MACROD2: variants seen among roughly 807,000 people sequenced by gnomAD.
MACROD2 encodes the protein ADP-ribose glycohydrolase MACROD2.
A neutral mutation model predicts 70.4 loss-of-function variants in MACROD2; 36 were observed. That is an observed-to-expected ratio of 0.51 (90% CI 0.39 to 0.68). MACROD2 has a LOEUF of 0.68. Among genes scored for constraint, MACROD2 ranks in the 30% least tolerant of loss-of-function variants. The probability of loss-of-function intolerance (pLI) is 0.00; values close to 1 mark genes in which losing one functional copy is unlikely to be tolerated. For synonymous variants in MACROD2, 172 were observed against 178.8 expected (o/e 0.96, Z 0.30); for missense variants, 496 against 538.4 (o/e 0.92, Z 0.78).
In MACROD2 at chr20:14,918,815, C is replaced by T. The variant is rs185038314; in HGVS notation, c.418+233856C>T. On this transcript the variant is annotated intron_variant, in intron 5 of 17. Transcript: ENST00000684519. ...AAAATCTTTTTATATTTTAATTGAA[C>T]TCACAACATATCACTGATGTGTTTC... Among the ~76,000 whole-genome samples the T allele has an allele frequency of 4.6e-5, 7 of 152,214 alleles. No homozygotes were observed. In the East Asian group the frequency reaches 7.7e-4, roughly 17 times the overall value.
At chr20:15,886,259 T>C (rs1358793512) in intron 10 of MACROD2, among the ~76,000 whole-genome samples, 3 of 152,166 alleles carry the variant, frequency 2.0e-5, no homozygotes, top group Non-Finnish European at 4.4e-5. Context: ...AACTGTCAGC[T>C]AAAATCTTAG....
At chr20:14,841,517 ATGTTT>A (rs1370887890) in intron 5 of MACROD2, among the ~76,000 whole-genome samples, 2 of 114,636 alleles carry the variant, frequency 1.7e-5, no homozygotes, top group Non-Finnish European at 4.2e-5. Flanking sequence ...TTTCAAGTAG[ATGTTT>A]TCAGGAAAAA....
chr20:15,350,442 G>T (rs771905152), intron 6 of MACROD2, among the ~76,000 whole-genome samples: 1 of 152,136 alleles, frequency 6.6e-6, no homozygotes, highest in Non-Finnish European at 1.5e-5. Flanking sequence ...GTAGGTAAAT[G>T]GGAGGAAGTG....
rs555716633 is a variant in MACROD2, at chr20:14,327,434, A to G, written c.272-166045A>G. 126 of 1,613,584 alleles carry G rather than the reference A, an allele frequency of 7.8e-5. 1 individual carries two copies. In the South Asian group the frequency reaches 1.4e-3, roughly 17 times the overall value. ...GATGGACAGGATTTAGCCATAACTG[A>G]TAGAGGTGCTACTTGAAGGAACAGC... is the stretch of plus-strand genomic sequence containing the variant. On this transcript the variant is annotated intron_variant, in intron 3 of 17. Coordinates refer to ENST00000684519, the MANE Select transcript of MACROD2 (RefSeq NM_001351661.2).
chr20:15,440,634 C>A (rs1289676902), intron 7 of MACROD2, among the ~76,000 whole-genome samples: 3 of 152,200 alleles, frequency 2.0e-5, no homozygotes, highest in Non-Finnish European at 2.9e-5. Flanking sequence ...CAAGGGCATG[C>A]CCTTCATCAG....
Position 15,631,936 on chromosome 20 carries a change from G to C in MACROD2, c.645+132089G>C, listed in dbSNP as rs140119724. 1.1e-3 allele frequency among the ~76,000 whole-genome samples: 170 copies of C among 152,194 alleles called. 2 individuals are homozygous for C. The East Asian group carries it at 0.03, about 26-fold the overall frequency. On this transcript the variant is annotated intron_variant, in intron 8 of 17. Coordinates refer to ENST00000684519, the MANE Select transcript of MACROD2 (RefSeq NM_001351661.2). The stretch of plus-strand genomic sequence containing the variant: ...GTGGATTGCCTGAAGTCAGGAGTTC[G>C]AGACCAGCCTGGCCAACATAGTGAA...
intron 5 of MACROD2, among the ~76,000 whole-genome samples, chr20:14,862,316 AAT>A (rs1473406017): frequency 5.9e-5 from 2 of 33,616 alleles, no homozygotes; most frequent in African/African-American, 1.2e-4. Context: ...AATATATGTA[AAT>A]ATATATATAA....
chr20:15,298,360 G>A (rs956501727), intron 6 of MACROD2, among the ~76,000 whole-genome samples: 10 of 152,204 alleles, frequency 6.6e-5, no homozygotes, highest in East Asian at 1.9e-4. Flanking sequence ...AATTCCAGCC[G>A]CTGGCTGTCC....
At position 15,771,943 on chromosome 20, in the gene MACROD2, G is replaced by A. The variant is rs2051635238; in HGVS notation, c.646-90802G>A. 2.7e-5 allele frequency among the ~76,000 whole-genome samples: 4 copies of A among 150,876 alleles called. No individual in the cohort carries two copies. In the South Asian group the frequency reaches 8.4e-4, roughly 32 times the overall value. Reference sequence around the variant, plus strand: ...TACTAAAAATACAAACAATTAGCCGGGCGTAGTGGCGGGCACCTGTAGTCC... The same window carrying A: ...TACTAAAAATACAAACAATTAGCCGAGCGTAGTGGCGGGCACCTGTAGTCC... On this transcript the variant is annotated intron_variant, in intron 8 of 17. Coordinates refer to ENST00000684519, the MANE Select transcript of MACROD2 (RefSeq NM_001351661.2).
intron 3 of MACROD2, among the ~76,000 whole-genome samples, chr20:14,176,442 T>A (rs562028776): frequency 5.6e-4 from 86 of 152,246 alleles, no homozygotes; most frequent in African/African-American, 1.9e-3. Context: ...CTCTCTGGAG[T>A]TGCTAAAATG....
intron 6 of MACROD2, among the ~76,000 whole-genome samples, chr20:15,366,463 T>C (rs1009752393): frequency 1.3e-5 from 2 of 152,230 alleles, no homozygotes; most frequent in Non-Finnish European, 2.9e-5. Flanking sequence ...ATCATCCATA[T>C]TCTCAGTATC....
At chr20:15,583,546 C>G (rs79879300) in intron 8 of MACROD2, among the ~76,000 whole-genome samples, 1 of 152,206 alleles carries the variant, frequency 6.6e-6, no homozygotes, top group African/African-American at 2.4e-5. Context: ...TGCAGACAAG[C>G]CTTTATGCTC....
At chr20:15,923,137 C>T (rs1272165362) in intron 10 of MACROD2, among the ~76,000 whole-genome samples, 1 of 152,106 alleles carries the variant, frequency 6.6e-6, no homozygotes, top group African/African-American at 2.4e-5. Context: ...CCTGTTAATA[C>T]TCTAGAGCCT....
At chr20:15,708,755 G>A (rs867774126) in intron 8 of MACROD2, among the ~76,000 whole-genome samples, 1 of 128,472 alleles carries the variant, frequency 7.8e-6, no homozygotes, top group East Asian at 1.9e-4. Context: ...ACTGGACTTG[G>A]TGGCTCACAC....
At chr20:14,264,499 G>A (rs1346603002) in intron 3 of MACROD2, among the ~76,000 whole-genome samples, 1 of 152,148 alleles carries the variant, frequency 6.6e-6, no homozygotes, top group Non-Finnish European at 1.5e-5. Context: ...AGGGTAAAAA[G>A]GAAGACCAAG....
intron 6 of MACROD2, among the ~76,000 whole-genome samples, chr20:15,253,281 G>A (rs1682054977): frequency 3.9e-5 from 6 of 152,244 alleles, no homozygotes; most frequent in Admixed American, 3.9e-4. Flanking sequence ...CAGCAAAATT[G>A]CATAGTTGTA....
At chr20:14,109,569 C>T (rs1601234752) in intron 3 of MACROD2, among the ~76,000 whole-genome samples, 2 of 151,746 alleles carry the variant, frequency 1.3e-5, no homozygotes, top group East Asian at 3.9e-4. Context: ...GGAGACATTA[C>T]AACGAATACT....
intron 8 of MACROD2, among the ~76,000 whole-genome samples, chr20:15,822,366 A>G (rs572375173): frequency 2.6e-5 from 4 of 152,226 alleles, no homozygotes; most frequent in African/African-American, 9.6e-5. Flanking sequence ...TACATCCTAA[A>G]CTTTTGTTTG....
At position 15,933,346 on chromosome 20, in the gene MACROD2, C is replaced by T. The variant is rs1435568846; in HGVS notation, c.838+8C>T. On this transcript the variant is annotated splice_region_variant and intron_variant, in intron 11 of 17. Coordinates refer to ENST00000684519, the MANE Select transcript of MACROD2 (RefSeq NM_001351661.2). Reference sequence around the variant, plus strand: ...AGCAGAGCCAAGATGCAGGTAGGCTCAGATTTCTTTTGAGAAGTCACCTAG... The same window carrying T: ...AGCAGAGCCAAGATGCAGGTAGGCTTAGATTTCTTTTGAGAAGTCACCTAG... 6.2e-7 allele frequency: 1 copy of T among 1,612,552 alleles called. No individual in the cohort carries two copies. The highest frequency in any genetic ancestry group is 1.1e-5 in the South Asian group (1 of 90,986).
Sources: gnomAD v4.1 joint callset for allele counts (sites outside exome capture counted in the v4.1 genomes callset) on GRCh38, gnomAD v4.1.1 for gene constraint, MANE v1.5 for transcripts, NCBI Gene and HGNC (gene_info 2026-07-23, HGNC 2026-07-21) for gene names.